The following WDR7 variants were observed in gnomAD, a reference collection of about 807,000 sequenced individuals.
WDR7 encodes WD repeat-containing protein 7.
Under a neutral mutation model 169.4 loss-of-function variants are expected in WDR7, and 46 were observed. The observed-to-expected ratio is 0.27, with a 90% confidence interval of 0.21 to 0.35. The LOEUF is 0.35. Among genes scored for constraint, WDR7 ranks in the 10% least tolerant of loss-of-function variants. The pLI, the probability that WDR7 is intolerant of heterozygous loss-of-function variation, is 1.00. For missense variants in WDR7, 1,534 were observed against 1,859.3 expected (o/e 0.83, Z 3.22); for synonymous variants, 612 against 666.8 (o/e 0.92, Z 1.27).
intron 19 of WDR7, among the ~76,000 whole-genome samples, chr18:56,799,410 C>T (rs569460292): frequency 1.4e-5 from 2 of 144,440 alleles, no homozygotes; most frequent in Admixed American, 1.4e-4. Flanking sequence ...GCTTTTATAT[C>T]AAATATTTTG....
chr18:56,873,253 T>C (rs150229458), intron 20 of WDR7, among the ~76,000 whole-genome samples: 222 of 152,298 alleles, frequency 1.5e-3, no homozygotes, highest in African/African-American at 5.0e-3. Context: ...TATGAGCCTA[T>C]GTACATGCCA....
chr18:56,958,830 A>G (rs1349775614), intron 25 of WDR7, among the ~76,000 whole-genome samples: 1 of 152,174 alleles, frequency 6.6e-6, no homozygotes, highest in Non-Finnish European at 1.5e-5. Flanking sequence ...ATAAAAATCC[A>G]TGTTTAGCAT....
chr18:56,903,184 G>A (rs1013572451), intron 21 of WDR7, among the ~76,000 whole-genome samples: 1 of 152,008 alleles, frequency 6.6e-6, no homozygotes. Context: ...TTGAGGTTTT[G>A]CATCTTTTAT....
the WDR7 span, chr18:57,035,647 TAGA>T: frequency 6.6e-6 from 1 of 152,244 alleles, no homozygotes; most frequent in African/African-American, 2.4e-5. Context: ...GGACTGAGGG[TAGA>T]AGATGTCATG....
rs116708016 is a variant in WDR7 at position 56,966,463 on chromosome 18, T to C, written c.4164+3934T>C. On this transcript the variant is annotated intron_variant, in intron 26 of 27. Coordinates refer to ENST00000254442, the MANE Select transcript of WDR7 (RefSeq NM_015285.3). The stretch of plus-strand genomic sequence containing the variant: ...CACTTGATGAAGAGTAAATAGATTT[T>C]CTCTTCCTTATGATTTTAATATTTT... Among the ~76,000 whole-genome samples, 1,127 of 152,204 alleles carry C rather than the reference T, an allele frequency of 7.4e-3. 16 individuals are homozygous for C. The highest frequency in any genetic ancestry group is 0.024 in the African/African-American group (1,000 of 41,546).
At chr18:56,930,433 T>C (rs138403216) in intron 22 of WDR7, among the ~76,000 whole-genome samples, 180 of 152,148 alleles carry the variant, frequency 1.2e-3, no homozygotes, top group African/African-American at 3.7e-3. Context: ...TAACAGAAAA[T>C]TTATAATCTG....
intron 26 of WDR7, among the ~76,000 whole-genome samples, chr18:56,983,255 A>G (rs2047670919): frequency 6.6e-6 from 1 of 152,182 alleles, no homozygotes; most frequent in South Asian, 2.1e-4. Context: ...TTTTTACTAA[A>G]TACCTTTAGA....
intron 14 of WDR7, among the ~76,000 whole-genome samples, chr18:56,747,316 A>C (rs1383427059): frequency 6.6e-6 from 1 of 152,202 alleles, no homozygotes; most frequent in African/African-American, 2.4e-5. Flanking sequence ...TTAGTTTTAA[A>C]ATTGGTATAA....
At chr18:56,794,440 G>C (rs542067205) in intron 19 of WDR7, among the ~76,000 whole-genome samples, 3 of 149,678 alleles carry the variant, frequency 2.0e-5, no homozygotes, top group Admixed American at 6.8e-5. Flanking sequence ...CACCCAAACA[G>C]CTGGGACTAC....
chr18:56,712,930 G>C (rs528793449), intron 12 of WDR7, among the ~76,000 whole-genome samples: 10 of 152,258 alleles, frequency 6.6e-5, no homozygotes, highest in Admixed American at 2.6e-4. Flanking sequence ...GGCCTCACCT[G>C]TTTTGCATAC....
intron 21 of WDR7, among the ~76,000 whole-genome samples, chr18:56,887,247 G>A (rs1475911446): frequency 1.3e-5 from 2 of 152,200 alleles, no homozygotes; most frequent in African/African-American, 4.8e-5. Context: ...GTTCTGGAGT[G>A]TATTTCTGGC....
intron 14 of WDR7, among the ~76,000 whole-genome samples, chr18:56,747,301 T>C (rs1454637464): frequency 6.6e-6 from 1 of 152,180 alleles, no homozygotes; most frequent in Non-Finnish European, 1.5e-5. Flanking sequence ...ATCTTCAACT[T>C]GGTTTTAGTT....
At chr18:56,948,326 TTTAAG>T (rs2047134945) in intron 25 of WDR7, among the ~76,000 whole-genome samples, 1 of 152,166 alleles carries the variant, frequency 6.6e-6, no homozygotes, top group Non-Finnish European at 1.5e-5. Flanking sequence ...CTTTTATTGT[TTTAAG>T]TTAAGGCAGT....
intron 26 of WDR7, among the ~76,000 whole-genome samples, chr18:56,978,283 T>C (rs1448413486): frequency 3.3e-5 from 5 of 152,182 alleles, no homozygotes. Context: ...TGAGCCCAAG[T>C]TTATTAGGGA....
At chr18:56,710,072 C>T (rs1432856010) in intron 12 of WDR7, among the ~76,000 whole-genome samples, 2 of 146,384 alleles carry the variant, frequency 1.4e-5, no homozygotes, top group African/African-American at 2.6e-5. Flanking sequence ...GGCGCAATCT[C>T]GTCTCACTGC....
intron 20 of WDR7, among the ~76,000 whole-genome samples, chr18:56,840,192 G>A (rs1365576799): frequency 1.3e-5 from 2 of 152,150 alleles, no homozygotes; most frequent in African/African-American, 2.4e-5. Flanking sequence ...AAGACAAGGG[G>A]GAAAGGGGAG....
rs553466614 is a variant in WDR7, at chr18:56,829,269, T to A, written c.3304+13125T>A. On this transcript the variant is annotated intron_variant, in intron 20 of 27. Coordinates refer to ENST00000254442, the MANE Select transcript of WDR7 (RefSeq NM_015285.3). ...GGAGGCCTTCTGTAAAAAAAAAAAA[T>A]AATAAACAAACCCCAACCTCCCCCT... 3.1e-3 allele frequency among the ~76,000 whole-genome samples: 447 copies of A among 145,740 alleles called. 2 individuals carry two copies. Among genetic ancestry groups the A allele is most frequent in the African/African-American group, 0.011 (418 of 39,038 alleles).
chr18:56,766,699 A>G (rs990046685), intron 16 of WDR7, among the ~76,000 whole-genome samples: 2 of 152,058 alleles, frequency 1.3e-5, no homozygotes, highest in African/African-American at 4.8e-5. Context: ...CTGTCATCCA[A>G]TTCACTTTTA....
At chr18:56,809,799 G>C (rs1261151089) in intron 19 of WDR7, among the ~76,000 whole-genome samples, 3 of 151,898 alleles carry the variant, frequency 2.0e-5, no homozygotes, top group Middle Eastern at 3.4e-3. Context: ...AACAAGCTAA[G>C]TTTTTGGAAG....
Sources: gnomAD v4.1 joint callset for allele counts (sites outside exome capture counted in the v4.1 genomes callset) on GRCh38, gnomAD v4.1.1 for gene constraint, MANE v1.5 for transcripts, NCBI Gene and HGNC (gene_info 2026-07-23, HGNC 2026-07-21) for gene names.